Variants in CLSTN2 observed in about 807,000 individuals in gnomAD.
CLSTN2 encodes calsyntenin-2.
In CLSTN2, 48 loss-of-function variants were observed where a neutral mutation model predicts 101.2. That is an observed-to-expected ratio of 0.47 (90% CI 0.38 to 0.60). CLSTN2 has a LOEUF of 0.60. Ranked by LOEUF, CLSTN2 falls within the 20% of genes least tolerant of loss-of-function variation. The probability of loss-of-function intolerance (pLI) is 0.00; values close to 1 mark genes in which losing one functional copy is unlikely to be tolerated. For missense variants in CLSTN2, 1,160 were observed against 1,238.2 expected (o/e 0.94, Z 0.95); for synonymous variants, 481 against 463.6 (o/e 1.04, Z -0.48).
Position 140,459,780 on chromosome 3 carries a change from A to G in CLSTN2, c.1222+11A>G. ...ACTCAGACAAAACCGGTGAGTCTCT[A>G]GCCCAGCCCTTCCACCCCTCCTACC... On this transcript the variant is annotated intron_variant, in intron 7 of 16. Transcript: ENST00000458420. The G allele has an allele frequency of 5.7e-6, 9 of 1,591,916 alleles. No individual in the cohort carries two copies. The highest frequency in any genetic ancestry group is 7.7e-6 in the Non-Finnish European group (9 of 1,170,014).
At chr3:139,941,214 G>C (rs984337031) in intron 1 of CLSTN2, among the ~76,000 whole-genome samples, 2 of 152,098 alleles carry the variant, frequency 1.3e-5, no homozygotes, top group African/African-American at 4.8e-5. Context: ...GGTAGACCAT[G>C]GGGAGGCCTG....
intron 1 of CLSTN2, among the ~76,000 whole-genome samples, chr3:140,125,776 A>C (rs1273739984): frequency 2.0e-5 from 3 of 149,570 alleles, no homozygotes; most frequent in Non-Finnish European, 4.4e-5. Context: ...AATCTGGCTG[A>C]AAAGGGGACT....
intron 2 of CLSTN2, among the ~76,000 whole-genome samples, chr3:140,356,651 A>G (rs894237418): frequency 9.3e-5 from 14 of 150,684 alleles, no homozygotes; most frequent in African/African-American, 3.4e-4. Flanking sequence ...CCAGCTGCTC[A>G]GGAGGCTGAG....
chr3:140,188,490 G>A (rs532596208), intron 2 of CLSTN2, among the ~76,000 whole-genome samples: 121 of 152,246 alleles, frequency 7.9e-4, no homozygotes, highest in African/African-American at 2.6e-3. Flanking sequence ...CCAACTCCTC[G>A]TGGCCCTCTG....
intron 1 of CLSTN2, among the ~76,000 whole-genome samples, chr3:140,171,442 A>G (rs1352507611): frequency 1.3e-5 from 2 of 151,568 alleles, no homozygotes; most frequent in Admixed American, 6.6e-5. Flanking sequence ...GCCTTGGTTG[A>G]GTCTGCCACT....
chr3:140,394,230 G>A (rs2088154445), intron 2 of CLSTN2, among the ~76,000 whole-genome samples: 1 of 148,692 alleles, frequency 6.7e-6, no homozygotes, highest in Non-Finnish European at 1.5e-5. Flanking sequence ...ATAGGACAAT[G>A]GTTTTATTCC....
intron 1 of CLSTN2, among the ~76,000 whole-genome samples, chr3:140,091,599 T>C (rs553564774): frequency 6.6e-6 from 1 of 152,352 alleles, no homozygotes; most frequent in East Asian, 1.9e-4. Context: ...AATCATTTTT[T>C]GAAATTACTC....
At chr3:140,138,082 A>G (rs2009642065) in intron 1 of CLSTN2, among the ~76,000 whole-genome samples, 1 of 152,166 alleles carries the variant, frequency 6.6e-6, no homozygotes, top group Non-Finnish European at 1.5e-5. Context: ...TCCTTTCCCT[A>G]AATTACACTT....
At chr3:139,975,913 G>T (rs1482281767) in intron 1 of CLSTN2, among the ~76,000 whole-genome samples, 1 of 152,182 alleles carries the variant, frequency 6.6e-6, no homozygotes, top group Admixed American at 6.5e-5. Flanking sequence ...TTTTGACACC[G>T]TACTACATGT....
At chr3:140,137,334 C>A (rs1451308931) in intron 1 of CLSTN2, among the ~76,000 whole-genome samples, 1 of 106,740 alleles carries the variant, frequency 9.4e-6, no homozygotes, top group African/African-American at 3.5e-5. Flanking sequence ...CTGTTTCTTG[C>A]CTGGAAAGTT....
At chr3:140,178,309 G>A (rs2010355547) in intron 2 of CLSTN2, among the ~76,000 whole-genome samples, 1 of 152,076 alleles carries the variant, frequency 6.6e-6, no homozygotes, top group African/African-American at 2.4e-5. Flanking sequence ...AAGTTTGTTG[G>A]TTATAGGGCC....
At chr3:140,563,021 G>C in intron 14 of CLSTN2, 59 bp from the exon 15 acceptor site, 1 of 1,611,730 alleles carries the variant, frequency 6.2e-7, no homozygotes, top group East Asian at 2.2e-5. Flanking sequence ...ATTCAGAAAT[G>C]CTGTAACTGG....
At position 140,447,589 on chromosome 3, in the gene CLSTN2, C is replaced by T. The variant is rs6762014; in HGVS notation, c.788-930C>T. 9.2e-5 allele frequency among the ~76,000 whole-genome samples: 14 copies of T among 152,162 alleles called. No homozygotes were observed. The East Asian group carries it at 1.7e-3, about 19-fold the overall frequency. On this transcript the variant is annotated intron_variant, in intron 5 of 16. Coordinates refer to ENST00000458420, the MANE Select transcript of CLSTN2 (RefSeq NM_022131.3). ...TTTCCACATTATTTTTTCACTAAAA[C>T]GCAGTGACAAGACCATGAGACCTAC...
intron 1 of CLSTN2, among the ~76,000 whole-genome samples, chr3:140,076,806 T>A (rs1052394437): frequency 1.3e-5 from 2 of 151,926 alleles, no homozygotes; most frequent in Non-Finnish European, 2.9e-5. Context: ...TCTTTATAGC[T>A]CTCTCTGGCC....
At chr3:139,944,559 C>T (rs564656542) in intron 1 of CLSTN2, among the ~76,000 whole-genome samples, 2 of 152,334 alleles carry the variant, frequency 1.3e-5, no homozygotes, top group Admixed American at 6.5e-5. Context: ...TCAAAGCTCC[C>T]ATTGCCACCT....
chr3:139,968,616 T>C (rs1303921113), intron 1 of CLSTN2, among the ~76,000 whole-genome samples: 1 of 152,206 alleles, frequency 6.6e-6, no homozygotes, highest in Non-Finnish European at 1.5e-5. Flanking sequence ...TCTCCACAGA[T>C]ATGAGAAATA....
intron 2 of CLSTN2, among the ~76,000 whole-genome samples, chr3:140,240,168 C>CTATATATATATA (rs2086449416): frequency 5.8e-5 from 1 of 17,232 alleles, no homozygotes; most frequent in African/African-American, 8.2e-5. Context: ...CTCTCTCTCT[C>CTATATATATATA]TCTCTCTATA....
chr3:140,129,939 A>G (rs1413063871), intron 1 of CLSTN2, among the ~76,000 whole-genome samples: 2 of 152,198 alleles, frequency 1.3e-5, no homozygotes, highest in African/African-American at 2.4e-5. Flanking sequence ...CCATTCATCA[A>G]GGGGACACAG....
chr3:140,251,584 G>GTTCCT (rs60379986), intron 2 of CLSTN2, among the ~76,000 whole-genome samples: 33,481 of 117,366 alleles, frequency 0.29, 5,328 homozygotes, highest in Middle Eastern at 0.36. Flanking sequence ...CTTAGCTTCC[G>GTTCCT]TTCCTTTCCT....
Sources: allele counts gnomAD v4.1 joint callset (sites outside exome capture counted in the v4.1 genomes callset), GRCh38; gene constraint gnomAD v4.1.1; transcripts MANE v1.5; gene names NCBI Gene and HGNC (gene_info 2026-07-23, HGNC 2026-07-21).